The following EIF4G3 variants were observed in gnomAD, a reference collection of about 807,000 sequenced individuals.
EIF4G3 encodes eIF-4-gamma 3.
EIF4G3 carries 34 observed loss-of-function variants against 186.4 expected under a neutral mutation model. The observed-to-expected ratio is 0.18, with a 90% CI of 0.14 to 0.24. The LOEUF (loss-of-function observed/expected upper bound fraction) is 0.24, where lower values mean the gene tolerates loss of function less well. EIF4G3 is among the 10% of genes least tolerant of loss of function. EIF4G3 has a pLI of 1.00. For synonymous variants in EIF4G3, 673 were observed against 679.5 expected, an observed-to-expected ratio of 0.99 and a Z score of 0.15; for missense variants, 1,536 against 1,948.5, an observed-to-expected ratio of 0.79 and a Z score of 3.99.
intron 2 of EIF4G3, among the ~76,000 whole-genome samples, chr1:21,119,892 C>T (rs943324258): frequency 1.3e-5 from 2 of 151,850 alleles, no homozygotes; most frequent in African/African-American, 4.8e-5. Flanking sequence ...ATCGATTTAA[C>T]GACTCTTAAA....
chr1:21,120,448 TG>T (rs568368400), intron 2 of EIF4G3, among the ~76,000 whole-genome samples: 1 of 151,794 alleles, frequency 6.6e-6, no homozygotes, highest in Non-Finnish European at 1.5e-5. Flanking sequence ...GCTAATGTGG[TG>T]AAACCTCGTC....
rs66576703 is a variant in EIF4G3, at chr1:21,058,719, C to CTT, written c.-195-7727_-195-7726dup. ...TTTTCTTCTTCTTCTCTCTCTCTCT[C>CTT]TTTTTTTTTTTTTTTTTTTTTTTTT... On this transcript the variant is annotated intron_variant, in intron 3 of 36. Transcript: ENST00000602326. 5.0e-3 allele frequency among the ~76,000 whole-genome samples: 407 copies of CTT among 82,036 alleles called. 23 individuals are homozygous for CTT. The highest frequency in any genetic ancestry group is 8.8e-3 in the Middle Eastern group (1 of 114). The allele number at this position is 82,036 out of a possible 152,430, so 53.8% of individuals were successfully genotyped here.
chr1:20,828,033 T>G lies in EIF4G3; in HGVS notation c.4188-335A>C, dbSNP rs1343269614. ...GAGTTGTGATGCTTTTATAAAGTTT[T>G]TTTTTTTTTTTTTTTTTTGAGACAG... On this transcript the variant is annotated intron_variant, in intron 31 of 36. Transcript: ENST00000602326. Among the ~76,000 whole-genome samples the G allele has an allele frequency of 6.7e-4, 98 of 146,916 alleles. 1 individual carries two copies. The highest frequency in any genetic ancestry group is 1.8e-3 in the East Asian group (9 of 5,080).
chr1:20,936,012 T>G (rs2095506649), intron 14 of EIF4G3, among the ~76,000 whole-genome samples: 1 of 152,156 alleles, frequency 6.6e-6, no homozygotes, highest in Non-Finnish European at 1.5e-5. Context: ...TGACTGAGAC[T>G]TTAGGGCTCA....
chr1:20,988,829 C>T (rs1383197277), intron 7 of EIF4G3, among the ~76,000 whole-genome samples: 1 of 151,442 alleles, frequency 6.6e-6, no homozygotes, highest in Non-Finnish European at 1.5e-5. Context: ...CTACAGCTGC[C>T]ACACATACTG....
At chr1:21,056,925 T>A (rs1316492781) in intron 3 of EIF4G3, among the ~76,000 whole-genome samples, 1 of 152,254 alleles carries the variant, frequency 6.6e-6, no homozygotes, top group African/African-American at 2.4e-5. Context: ...TTTCTTGTAG[T>A]GCAATATATG....
intron 4 of EIF4G3, among the ~76,000 whole-genome samples, chr1:21,040,291 C>T (rs1483495775): frequency 1.3e-5 from 2 of 152,180 alleles, no homozygotes; most frequent in African/African-American, 2.4e-5. Flanking sequence ...TGAGCTTCTA[C>T]GTAACCAAAC....
Position 20,879,307 on chromosome 1 carries a change from CT to C in EIF4G3, c.2622+15del. On this transcript the variant is annotated intron_variant, in intron 20 of 36. Transcript: ENST00000602326. ...CTCTTGAAGATTTCTCGTTTTACTC[CT>C]TCCTCTCTTCTTACCGTTACTAGAC... 1 of 1,557,028 alleles carries C rather than the reference CT, an allele frequency of 6.4e-7. No individual in the cohort carries two copies. Among genetic ancestry groups the C allele is most frequent in the Non-Finnish European group, 8.7e-7 (1 of 1,150,370 alleles).
chr1:20,975,035 T>C (rs1361608768), intron 10 of EIF4G3, among the ~76,000 whole-genome samples: 1 of 152,146 alleles, frequency 6.6e-6, no homozygotes, highest in Non-Finnish European at 1.5e-5. Flanking sequence ...GGAAGCACCA[T>C]GATTTGCAGT....
At chr1:21,003,650 T>C in intron 4 of EIF4G3, 2 of 355,776 alleles carry the variant, frequency 5.6e-6, no homozygotes, top group South Asian at 5.0e-5. Context: ...ACTGACAGGA[T>C]GAGAGCAGAT....
At chr1:21,008,938 T>A (rs1384694563) in intron 4 of EIF4G3, among the ~76,000 whole-genome samples, 3 of 152,088 alleles carry the variant, frequency 2.0e-5, no homozygotes. Context: ...CAAAAGAAAT[T>A]CCAGATTGAT....
intron 14 of EIF4G3, among the ~76,000 whole-genome samples, chr1:20,906,994 CAG>C (rs1233135396): frequency 9.2e-5 from 14 of 152,156 alleles, no homozygotes; most frequent in Admixed American, 5.9e-4. Context: ...AGAGGGAAGA[CAG>C]AGAGTGACAC....
intron 4 of EIF4G3, among the ~76,000 whole-genome samples, chr1:21,034,639 A>G (rs907611496): frequency 4.6e-5 from 7 of 152,252 alleles, no homozygotes; most frequent in Admixed American, 3.9e-4. Flanking sequence ...GCAGTGATGG[A>G]CCATACAAAG....
At position 21,125,139 on chromosome 1, in the gene EIF4G3, A is replaced by C. The variant is rs910979675; in HGVS notation, c.-271-35926T>G. The stretch of plus-strand genomic sequence containing the variant: ...ACCCACTTAAAGCTGCTGATTTCTC[A>C]ATAACTTTGTATCCAGTACAATGTT... On this transcript the variant is annotated intron_variant, in intron 2 of 36. Transcript: ENST00000602326. Among the ~76,000 whole-genome samples, 3 of 152,208 alleles carry C rather than the reference A, an allele frequency of 2.0e-5. No individual in the cohort carries two copies. In the South Asian group the frequency reaches 6.2e-4, roughly 31 times the overall value.
intron 26 of EIF4G3, among the ~76,000 whole-genome samples, chr1:20,854,184 A>G (rs574421092): frequency 6.6e-6 from 1 of 152,318 alleles, no homozygotes; most frequent in Admixed American, 6.5e-5. Context: ...AGATCCAAAC[A>G]TCTTTGGTCC....
chr1:20,931,620 C>G (rs1458183927), intron 14 of EIF4G3, among the ~76,000 whole-genome samples: 1 of 152,186 alleles, frequency 6.6e-6, no homozygotes, highest in Non-Finnish European at 1.5e-5. Context: ...CTCCCCTTCT[C>G]TTTCACTGTG....
At chr1:21,168,492 G>A (rs2097899658) in intron 2 of EIF4G3, among the ~76,000 whole-genome samples, 1 of 151,812 alleles carries the variant, frequency 6.6e-6, no homozygotes, top group African/African-American at 2.4e-5. Context: ...ACACAATCAG[G>A]TCTCACTACA....
At chr1:21,171,309 C>T (rs373018211) in intron 2 of EIF4G3, among the ~76,000 whole-genome samples, 2 of 152,288 alleles carry the variant, frequency 1.3e-5, no homozygotes, top group Non-Finnish European at 1.5e-5. Context: ...CACAGCACCA[C>T]GGGAGTTTAT....
At chr1:21,121,390 T>C (rs1000473782) in intron 2 of EIF4G3, among the ~76,000 whole-genome samples, 2 of 152,246 alleles carry the variant, frequency 1.3e-5, no homozygotes, top group Non-Finnish European at 2.9e-5. Context: ...TAAATACATG[T>C]ATATTTCATT....
Sources: gnomAD v4.1 joint callset for allele counts (sites outside exome capture counted in the v4.1 genomes callset) on GRCh38, gnomAD v4.1.1 for gene constraint, MANE v1.5 for transcripts, NCBI Gene and HGNC (gene_info 2026-07-23, HGNC 2026-07-21) for gene names.